The following STK39 variants were observed in gnomAD, a reference collection of about 807,000 sequenced individuals.
STK39 encodes the protein serine/threonine kinase 39.
STK39 carries 20 observed loss-of-function variants against 77.8 expected under a neutral mutation model. The ratio of observed to expected loss-of-function variants is 0.26; its 90% CI spans 0.18 to 0.37. The LOEUF (loss-of-function observed/expected upper bound fraction) is 0.37, where lower values mean the gene tolerates loss of function less well. Ranked by LOEUF, STK39 falls within the 10% of genes least tolerant of loss-of-function variation. The pLI, the probability that STK39 is intolerant of heterozygous loss-of-function variation, is 1.00. For missense variants in STK39, 479 were observed against 656.5 expected (o/e 0.73, Z 2.95); for synonymous variants, 246 against 234.1 (o/e 1.05, Z -0.47).
At chr2:168,071,336 C>T (rs1241718275) in intron 12 of STK39, among the ~76,000 whole-genome samples, 2 of 151,966 alleles carry the variant, frequency 1.3e-5, no homozygotes, top group African/African-American at 2.4e-5. Flanking sequence ...GCAAAAGAAA[C>T]ACAAACTTCC....
intron 16 of STK39, among the ~76,000 whole-genome samples, chr2:167,981,979 C>T (rs569612409): frequency 9.2e-5 from 14 of 152,140 alleles, no homozygotes; most frequent in Non-Finnish European, 8.8e-5. Context: ...TCAGTGCCGA[C>T]GTCCTTGCCA....
At chr2:168,039,287 C>A (rs543722874) in intron 14 of STK39, among the ~76,000 whole-genome samples, 197 of 152,172 alleles carry the variant, frequency 1.3e-3, no homozygotes, top group African/African-American at 4.6e-3. Context: ...TCAAGCTGAT[C>A]CATAGCTTGA....
At chr2:168,239,187 C>G (rs979581441) in intron 1 of STK39, among the ~76,000 whole-genome samples, 6 of 152,160 alleles carry the variant, frequency 3.9e-5, no homozygotes, top group Non-Finnish European at 5.9e-5. Flanking sequence ...GCCCTGATTC[C>G]TACACAGGAA....
At chr2:168,004,588 C>T (rs944856527) in intron 16 of STK39, among the ~76,000 whole-genome samples, 14 of 151,714 alleles carry the variant, frequency 9.2e-5, no homozygotes, top group Non-Finnish European at 1.9e-4. Context: ...AAAAAATTAG[C>T]CTGACATGGT....
At chr2:168,203,591 A>G (rs1689664394) in intron 1 of STK39, among the ~76,000 whole-genome samples, 1 of 152,184 alleles carries the variant, frequency 6.6e-6, no homozygotes, top group African/African-American at 2.4e-5. Context: ...CCAGCGTCAG[A>G]GATGAGTCTT....
chr2:168,113,762 T>G (rs1388138757), intron 10 of STK39, among the ~76,000 whole-genome samples: 1 of 152,220 alleles, frequency 6.6e-6, no homozygotes, highest in East Asian at 1.9e-4. Context: ...AATGTGAATG[T>G]CTGGTTAAAG....
intron 16 of STK39, among the ~76,000 whole-genome samples, chr2:167,989,093 G>A (rs1233382625): frequency 6.6e-6 from 1 of 152,166 alleles, no homozygotes; most frequent in East Asian, 1.9e-4. Flanking sequence ...TGAAAGATTA[G>A]GCCAGGGTAG....
At chr2:168,112,164 AT>A (rs1158630356) in intron 10 of STK39, among the ~76,000 whole-genome samples, 1 of 151,870 alleles carries the variant, frequency 6.6e-6, no homozygotes, top group African/African-American at 2.4e-5. Context: ...GGAAATCCAG[AT>A]CTTAGTCACC....
At position 168,247,533 on chromosome 2, in the gene STK39, C is replaced by G. The variant is rs1351103456; in HGVS notation, c.-98G>C. The G allele has an allele frequency of 1.5e-5, 15 of 985,386 alleles. 1 individual carries two copies. The highest frequency in any genetic ancestry group is 1.9e-5 in the Non-Finnish European group (15 of 803,894). 61.0% of individuals were successfully genotyped at this position (985,386 alleles called of 1,614,324 possible). A position where few individuals can be genotyped will look rare whatever the true frequency, so the allele number is the denominator to read the frequency against. On this transcript the variant is annotated 5_prime_UTR_variant, in exon 1 of 18. Coordinates refer to ENST00000355999, the MANE Select transcript of STK39 (RefSeq NM_013233.3). ...CCGCCGACACCTCTCGGCCGGCGCA[C>G]GCCCTCCCCGCCCGCCGCCGCCGCC...
intron 10 of STK39, among the ~76,000 whole-genome samples, chr2:168,119,116 A>G (rs1326315370): frequency 6.6e-6 from 1 of 152,154 alleles, no homozygotes; most frequent in Non-Finnish European, 1.5e-5. Context: ...ATTTATTCCC[A>G]AGGCACATGG....
intron 1 of STK39, among the ~76,000 whole-genome samples, chr2:168,239,855 G>A (rs985129829): frequency 1.8e-4 from 27 of 152,358 alleles, no homozygotes; most frequent in Non-Finnish European, 3.4e-4. Flanking sequence ...GAGCCTGAAG[G>A]GCAAGGGGGG....
chr2:168,032,349 C>T (rs1289040981), intron 14 of STK39, among the ~76,000 whole-genome samples: 1 of 152,148 alleles, frequency 6.6e-6, no homozygotes, highest in East Asian at 1.9e-4. Context: ...AAAACTTGTT[C>T]TTTGAGAATG....
At chr2:168,187,511 C>T (rs1689238218) in intron 1 of STK39, among the ~76,000 whole-genome samples, 1 of 152,166 alleles carries the variant, frequency 6.6e-6, no homozygotes. Flanking sequence ...TGCTACTTCA[C>T]TCATAGAGTG....
chr2:168,148,261 G>C lies in STK39; in HGVS notation c.629-7503C>G, dbSNP rs536259720. ...TCTGTTTGTTTTCTTTTTGTTTATAGAGGAAATAGGCACAACTTTTTTCCT... is the reference window on the plus strand; with the variant it reads ...TCTGTTTGTTTTCTTTTTGTTTATACAGGAAATAGGCACAACTTTTTTCCT... On this transcript the variant is annotated intron_variant, in intron 5 of 17. Transcript: ENST00000355999. Among the ~76,000 whole-genome samples, 194 of 152,218 alleles carry C rather than the reference G, an allele frequency of 1.3e-3. 1 individual carries two copies. The highest frequency in any genetic ancestry group is 4.4e-3 in the South Asian group (21 of 4,818).
At chr2:168,150,898 A>G (rs1035752150) in intron 5 of STK39, among the ~76,000 whole-genome samples, 2 of 151,964 alleles carry the variant, frequency 1.3e-5, no homozygotes, top group Non-Finnish European at 2.9e-5. Context: ...TGTAGAACCA[A>G]AGAGGTTCTT....
intron 10 of STK39, among the ~76,000 whole-genome samples, chr2:168,095,688 G>A (rs962689366): frequency 5.6e-5 from 8 of 143,622 alleles, no homozygotes; most frequent in Non-Finnish European, 1.2e-4. Flanking sequence ...GTGCAGTGGC[G>A]CGATCTCAGC....
At chr2:168,199,181 T>C (rs1209431529) in intron 1 of STK39, among the ~76,000 whole-genome samples, 1 of 152,180 alleles carries the variant, frequency 6.6e-6, no homozygotes, top group East Asian at 1.9e-4. Context: ...GGACATGAGT[T>C]AAAACCACTG....
chr2:168,243,684 AG>A (rs1175268521), intron 1 of STK39, among the ~76,000 whole-genome samples: 1 of 152,240 alleles, frequency 6.6e-6, no homozygotes, highest in Non-Finnish European at 1.5e-5. Flanking sequence ...TACAGAAATT[AG>A]TACTTCAATG....
chr2:168,009,944 CAAT>C (rs935012930), intron 16 of STK39, among the ~76,000 whole-genome samples: 4 of 152,154 alleles, frequency 2.6e-5, no homozygotes, highest in Non-Finnish European at 5.9e-5. Context: ...ACAACAACAA[CAAT>C]AAAACCTTCC....
Sources: gnomAD v4.1 joint callset for allele counts (sites outside exome capture counted in the v4.1 genomes callset) on GRCh38, gnomAD v4.1.1 for gene constraint, MANE v1.5 for transcripts, NCBI Gene and HGNC (gene_info 2026-07-23, HGNC 2026-07-21) for gene names.